Variants in RHBDL1 observed in about 807,000 individuals in gnomAD.
RHBDL1 encodes rhomboid like 1, also known as rhomboid-related protein 1.
In RHBDL1, 21 loss-of-function variants were observed where a neutral mutation model predicts 34.0. The observed-to-expected ratio is 0.62, with a 90% confidence interval of 0.44 to 0.89. The LOEUF (loss-of-function observed/expected upper bound fraction) is 0.89, where lower values mean the gene tolerates loss of function less well. Among genes scored for constraint, RHBDL1 ranks in the 40% least tolerant of loss-of-function variants. The probability of loss-of-function intolerance (pLI) is 0.00; values close to 1 mark genes in which losing one functional copy is unlikely to be tolerated. For synonymous variants in RHBDL1, 268 were observed against 234.8 expected (o/e 1.14, Z -1.29); for missense variants, 450 against 530.6 (o/e 0.85, Z 1.49).
In RHBDL1 at chr16:677,466, A is replaced by G. The variant is rs2039568714; in HGVS notation, c.696A>G (p.Leu232=). The stretch of plus-strand genomic sequence containing the variant: ...CGCCGCTTGCTCACACAGGCTCCCT[A>G]ACCGTCTCCATCACCGACATGCGGG... ...LYLAGVLAGS[L]TVSITDMRAP... Residue 232 remains leucine (L), a synonymous_variant, in exon 6 of 8, where the codon CTA becomes CTG. Transcript: ENST00000352681. The G allele has an allele frequency of 6.2e-7, 1 of 1,606,576 alleles. No individual in the cohort carries two copies. The highest frequency in any genetic ancestry group is 1.3e-5 in the African/African-American group (1 of 74,872).
chr16:676,735 C>T lies in RHBDL1; in HGVS notation c.265C>T (p.Arg89Trp), dbSNP rs141673650. The T allele has an allele frequency of 1.5e-4, 243 of 1,612,094 alleles. 1 individual carries two copies. In the Middle Eastern group the frequency reaches 2.8e-3, roughly 19 times the overall value. Reference protein sequence around the residue: ...AIANGQRALPRDGPLDEPGLG... With the variant: ...AIANGQRALPWDGPLDEPGLG... ...TGCTAACGGACAGCGGGCACTGCCC[C>T]GGGACGGGCCGCTGGATGAGCCAGG... The change falls in exon 3 of 8, where the codon CGG becomes TGG. Residue 89 changes from arginine (R) to tryptophan (W), a missense_variant. Coordinates refer to ENST00000352681, the MANE Select transcript of RHBDL1 (RefSeq NM_001278720.2). This position sits in a 1 kb window ranked among gnomAD's most constrained non-coding sequence, Gnocchi z 6.9.
chr16:677,661 C>T lies in RHBDL1; in HGVS notation c.812C>T (p.Pro271Leu), dbSNP rs1357119714. The change falls in exon 7 of 8, where the codon CCC becomes CTC. Residue 271 changes from proline (P) to leucine (L), a missense_variant. Pro to Leu is a moderately conservative substitution (Grantham distance 98, BLOSUM62 -3). Transcript: ENST00000352681. Reference protein sequence around the residue: ...VVMNWAGMRCPYKLLRMVLAL... With the variant: ...VVMNWAGMRCLYKLLRMVLAL... ...TAGAACTGGGCTGGGATGAGATGTCCCTACAAGTTGCTGAGGATGGTGCTG... is the reference window on the plus strand; with the variant it reads ...TAGAACTGGGCTGGGATGAGATGTCTCTACAAGTTGCTGAGGATGGTGCTG... 2 of 1,564,250 alleles carry T rather than the reference C, an allele frequency of 1.3e-6. No individual in the cohort carries two copies. Among genetic ancestry groups the T allele is most frequent in the African/African-American group, 1.4e-5 (1 of 73,846 alleles).
In RHBDL1 at chr16:676,311, C is replaced by G. The variant is rs773079364; in HGVS notation, c.40-25C>G. 6.2e-7 allele frequency: 1 copy of G among 1,605,492 alleles called. No individual in the cohort carries two copies. Among genetic ancestry groups the G allele is most frequent in the Non-Finnish European group, 8.5e-7 (1 of 1,176,762 alleles). The stretch of plus-strand genomic sequence containing the variant: ...CCAGGGGTCGGGCCCGCACTCAGGC[C>G]TTGGCTGGCGGCTCCTCACTGCAGC... On this transcript the variant is annotated intron_variant, in intron 1 of 7. Coordinates refer to ENST00000352681, the MANE Select transcript of RHBDL1 (RefSeq NM_001278720.2). This position sits in a 1 kb window ranked among gnomAD's most constrained non-coding sequence, Gnocchi z 6.9.
chr16:676,667 C>G lies in RHBDL1; in HGVS notation c.202-5C>G. 1.9e-6 allele frequency: 3 copies of G among 1,610,790 alleles called. No individual in the cohort carries two copies. Among genetic ancestry groups the G allele is most frequent in the Non-Finnish European group, 2.5e-6 (3 of 1,179,518 alleles). The stretch of plus-strand genomic sequence containing the variant: ...CGTGGCCCACACTCAGGCCCCTGCC[C>G]CCAGATCAGCAGCAAGCGCTCCAGC... On this transcript the variant is annotated splice_region_variant and splice_polypyrimidine_tract_variant and intron_variant, in intron 2 of 7. Transcript: ENST00000352681. This position sits in a 1 kb window ranked among gnomAD's most constrained non-coding sequence, Gnocchi z 6.9.
In RHBDL1 at chr16:676,603, C is replaced by A. The variant is rs1388016329; in HGVS notation, c.202-69C>A. The stretch of plus-strand genomic sequence containing the variant: ...GTGGGGGGCTTGTGGATGCGGGGAG[C>A]TGGGTGAGCCTCACAGGCAGGGGTG... On this transcript the variant is annotated intron_variant, in intron 2 of 7. Coordinates refer to ENST00000352681, the MANE Select transcript of RHBDL1 (RefSeq NM_001278720.2). The surrounding 1 kb of genome is among the most constrained non-coding windows in gnomAD (Gnocchi z 6.9). The A allele has an allele frequency of 1.9e-6, 3 of 1,584,812 alleles. No homozygotes were observed. Among genetic ancestry groups the A allele is most frequent in the African/African-American group, 2.7e-5 (2 of 74,442 alleles).
intron 1 of RHBDL1, 24 bp downstream of exon 1, chr16:675,853 A>G (rs1445745221): frequency 1.3e-6 from 2 of 1,502,188 alleles, no homozygotes; most frequent in South Asian, 1.2e-5. Context: ...TGGTCTGGGG[A>G]GCTGGCACCG....
In RHBDL1 at chr16:675,765, C is replaced by G. The variant is rs755134313; in HGVS notation, c.-26C>G. The G allele has an allele frequency of 1.4e-6, 2 of 1,451,626 alleles. No individual in the cohort carries two copies. Among genetic ancestry groups the G allele is most frequent in the South Asian group, 1.3e-5 (1 of 74,464 alleles). 89.9% of individuals were successfully genotyped at this position (1,451,626 alleles called of 1,614,324 possible). A position where few individuals can be genotyped will look rare whatever the true frequency, so the allele number is the denominator to read the frequency against. On this transcript the variant is annotated 5_prime_UTR_variant, in exon 1 of 8. Coordinates refer to ENST00000352681, the MANE Select transcript of RHBDL1 (RefSeq NM_001278720.2). ...CCCTCCCGGCCGCGGCCGCCGACCCCGGACCCCGGCCCCCGGCCAGGCTCT... is the reference window on the plus strand; with the variant it reads ...CCCTCCCGGCCGCGGCCGCCGACCCGGGACCCCGGCCCCCGGCCAGGCTCT...
rs1596544467 is a variant in RHBDL1, at chr16:676,994, G to T, written c.450G>T (p.Gly150=). 1 of 1,612,630 alleles carries T rather than the reference G, an allele frequency of 6.2e-7. No individual in the cohort carries two copies. Among genetic ancestry groups the T allele is most frequent in the East Asian group, 2.2e-5 (1 of 44,862 alleles). The change falls in exon 4 of 8, where the codon GGG becomes GGT. Residue 150 remains glycine (G), a synonymous_variant. Transcript: ENST00000352681. This position sits in a 1 kb window ranked among gnomAD's most constrained non-coding sequence, Gnocchi z 6.9. ...AGATCATCGTGTTCCTGTGTTACGG[G>T]GCCCGCCTCAACAAGTGGGTGCTGC... is the stretch of plus-strand genomic sequence containing the variant. ...LAQIIVFLCY[G]ARLNKWVLQT... is the part of the protein sequence containing the mutation.
At position 676,195 on chromosome 16, in the gene RHBDL1, C is replaced by T. The variant is rs2039539194; in HGVS notation, c.40-141C>T. The T allele has an allele frequency of 2.0e-6, 3 of 1,523,336 alleles. No homozygotes were observed. In the East Asian group the frequency reaches 7.4e-5, roughly 37 times the overall value. 94.4% of individuals were successfully genotyped at this position (1,523,336 alleles called of 1,614,324 possible). Reference sequence around the variant, plus strand: ...GCCAGCTCCTGGGATCAAGCAGGGTCCCAGGGAACAGACAGGCACGGGGCC... The same window carrying T: ...GCCAGCTCCTGGGATCAAGCAGGGTTCCAGGGAACAGACAGGCACGGGGCC... On this transcript the variant is annotated intron_variant, in intron 1 of 7. Transcript: ENST00000352681. The surrounding 1 kb of genome is among the most constrained non-coding windows in gnomAD (Gnocchi z 6.9).
rs759777387 is a variant in RHBDL1, at chr16:678,037, C to T, written c.1107C>T (p.Ile369=). Residue 369 remains isoleucine (I), a synonymous_variant, in exon 8 of 8, where the codon ATC becomes ATT. Transcript: ENST00000352681. ...CCTACGACCTGCTGGGCGCCCACAT[C>T]CCCCCACCGCCCTGACCGGCTACCT... ...VFAYDLLGAH[I]PPPP 5.1e-6 allele frequency: 8 copies of T among 1,569,592 alleles called. No homozygotes were observed. The highest frequency in any genetic ancestry group is 4.6e-5 in the South Asian group (4 of 86,156).
In RHBDL1 at chr16:678,155, T is replaced by A. The variant is rs2039586906; in HGVS notation, c.*103T>A. The A allele has an allele frequency of 5.0e-6, 7 of 1,413,912 alleles. No homozygotes were observed. The highest frequency in any genetic ancestry group is 3.7e-6 in the Non-Finnish European group (4 of 1,090,140). The allele number at this position is 1,413,912 out of a possible 1,614,324, so 87.6% of individuals were successfully genotyped here. On this transcript the variant is annotated 3_prime_UTR_variant, in exon 8 of 8. Coordinates refer to ENST00000352681, the MANE Select transcript of RHBDL1 (RefSeq NM_001278720.2). ...GTGAACGGACGTCTCAGGGCTGCTG[T>A]GCCCCTTGGGTGTGGGTGGCCTCAA... is the stretch of plus-strand genomic sequence containing the variant.
At position 677,823 on chromosome 16, in the gene RHBDL1, C is replaced by A; in HGVS notation, c.893C>A (p.Pro298Gln). Residue 298 changes from proline to glutamine, a missense_variant, in exon 8 of 8, where the codon CCG becomes CAG. Transcript: ENST00000352681. The part of the protein sequence containing the change: ...VGRAVWLRFS[P>Q]PLPASGPQPS... ...CGGGCCGTGTGGCTGCGCTTCTCCC[C>A]GCCGCTGCCCGCCTCGGGCCCACAG... 1 of 1,575,432 alleles carries A rather than the reference C, an allele frequency of 6.3e-7. No homozygotes were observed.
chr16:676,295 G>C lies in RHBDL1; in HGVS notation c.40-41G>C, dbSNP rs376628523. ...GGCCCAGCCCTTTGGTCCAGGGGTC[G>C]GGCCCGCACTCAGGCCTTGGCTGGC... On this transcript the variant is annotated intron_variant, in intron 1 of 7. Coordinates refer to ENST00000352681, the MANE Select transcript of RHBDL1 (RefSeq NM_001278720.2). This position sits in a 1 kb window ranked among gnomAD's most constrained non-coding sequence, Gnocchi z 6.9. 5 of 1,595,424 alleles carry C rather than the reference G, an allele frequency of 3.1e-6. No individual in the cohort carries two copies. The African/African-American group carries it at 4.0e-5, about 13-fold the overall frequency.
chr16:677,157 C>T (rs1183669598), intron 4 of RHBDL1, 38 bp downstream of exon 4: 1 of 1,583,660 alleles, frequency 6.3e-7, no homozygotes, highest in Non-Finnish European at 8.6e-7. Context: ...CCGCCCCAAC[C>T]TGCCATTACA....
rs1298659381 is a variant in RHBDL1, at chr16:676,211, G to T, written c.40-125G>T. 3.9e-6 allele frequency: 6 copies of T among 1,537,186 alleles called. No individual in the cohort carries two copies. The South Asian group carries it at 7.2e-5, about 19-fold the overall frequency. On this transcript the variant is annotated intron_variant, in intron 1 of 7. Transcript: ENST00000352681. This position sits in a 1 kb window ranked among gnomAD's most constrained non-coding sequence, Gnocchi z 6.9. ...AAGCAGGGTCCCAGGGAACAGACAG[G>T]CACGGGGCCCCTGTCCCAAAAGTGC... is the stretch of plus-strand genomic sequence containing the variant.
rs2039542208 is a variant in RHBDL1, at chr16:676,306, C to G, written c.40-30C>G. 1.2e-6 allele frequency: 2 copies of G among 1,603,830 alleles called. No individual in the cohort carries two copies. The highest frequency in any genetic ancestry group is 1.7e-6 in the Non-Finnish European group (2 of 1,175,980). ...TTGGTCCAGGGGTCGGGCCCGCACT[C>G]AGGCCTTGGCTGGCGGCTCCTCACT... On this transcript the variant is annotated intron_variant, in intron 1 of 7. Coordinates refer to ENST00000352681, the MANE Select transcript of RHBDL1 (RefSeq NM_001278720.2). The surrounding 1 kb of genome is among the most constrained non-coding windows in gnomAD (Gnocchi z 6.9).
chr16:677,644 G>C lies in RHBDL1; in HGVS notation c.795G>C (p.Trp265Cys). ...SAHLANVVMNWAGMRCPYKLL... is the reference protein window; with the variant it reads ...SAHLANVVMNCAGMRCPYKLL... Reference sequence around the variant, plus strand: ...TCGTCTGCACACACCCATAGAACTGGGCTGGGATGAGATGTCCCTACAAGT... The same window carrying C: ...TCGTCTGCACACACCCATAGAACTGCGCTGGGATGAGATGTCCCTACAAGT... The change falls in exon 7 of 8, where the codon TGG becomes TGC. Residue 265 changes from tryptophan to cysteine, a missense_variant. Transcript: ENST00000352681. The C allele has an allele frequency of 6.3e-7, 1 of 1,580,590 alleles. No individual in the cohort carries two copies. Among genetic ancestry groups the C allele is most frequent in the Non-Finnish European group, 8.6e-7 (1 of 1,161,222 alleles).
Position 676,921 on chromosome 16 carries a change from G to A in RHBDL1, c.426+25G>A. 2 of 1,611,464 alleles carry A rather than the reference G, an allele frequency of 1.2e-6. No individual in the cohort carries two copies. Among genetic ancestry groups the A allele is most frequent in the Non-Finnish European group, 1.7e-6 (2 of 1,179,146 alleles). ...GGTGGGCCCCCCGGCCGCTGCCCCG[G>A]GAGCCTCCCGCGCTCCTGGCCATGA... On this transcript the variant is annotated intron_variant, in intron 3 of 7. Coordinates refer to ENST00000352681, the MANE Select transcript of RHBDL1 (RefSeq NM_001278720.2). The surrounding 1 kb of genome is among the most constrained non-coding windows in gnomAD (Gnocchi z 6.9).
At position 678,239 on chromosome 16, in the gene RHBDL1, T is replaced by C. The variant is rs2039589455; in HGVS notation, c.*187T>C. The C allele has an allele frequency of 1.5e-6, 2 of 1,364,974 alleles. No homozygotes were observed. Among genetic ancestry groups the C allele is most frequent in the African/African-American group, 1.5e-5 (1 of 66,954 alleles). The allele number at this position is 1,364,974 out of a possible 1,614,324, so 84.6% of individuals were successfully genotyped here. A position where few individuals can be genotyped will look rare whatever the true frequency, so the allele number is the denominator to read the frequency against. ...CCCAGGACTTGCGGTCTGAGCCTTTTTGGATAATTAATAAATATTTTACAC... is the reference window on the plus strand; with the variant it reads ...CCCAGGACTTGCGGTCTGAGCCTTTCTGGATAATTAATAAATATTTTACAC... On this transcript the variant is annotated 3_prime_UTR_variant, in exon 8 of 8. Transcript: ENST00000352681.
Sources: gnomAD v4.1 joint callset for allele counts on GRCh38, gnomAD v4.1.1 for gene constraint, Gnocchi (gnomAD v3.1) non-coding constraint, MANE v1.5 for transcripts, NCBI Gene and HGNC (gene_info 2026-07-23, HGNC 2026-07-21) for gene names.